Variants in BRDT observed in about 807,000 individuals in gnomAD.
BRDT encodes bromodomain testis associated.
In BRDT, 77 loss-of-function variants were observed where a neutral mutation model predicts 113.9. The ratio of observed to expected loss-of-function variants is 0.68; its 90% CI spans 0.56 to 0.82. BRDT has a LOEUF of 0.82. Ranked by LOEUF, BRDT falls within the 40% of genes least tolerant of loss-of-function variation. The pLI, the probability that BRDT is intolerant of heterozygous loss-of-function variation, is 0.00. For missense variants in BRDT, 1,027 were observed against 1,105.4 expected (o/e 0.93, Z 1.01); for synonymous variants, 358 against 366.5 (o/e 0.98, Z 0.26).
Position 92,014,307 on chromosome 1 carries a change from A to C in BRDT, c.*33A>C, listed in dbSNP as rs1257663659. On this transcript the variant is annotated 3_prime_UTR_variant, in exon 19 of 19. Coordinates refer to ENST00000399546, the MANE Select transcript of BRDT (RefSeq NM_207189.4). ...TTTTTAAATTAACCATCAACTTAAA[A>C]TGAATGGTAAAAGATCAAAATGCAT... 1 of 1,419,274 alleles carries C rather than the reference A, an allele frequency of 7.0e-7. No homozygotes were observed. The highest frequency in any genetic ancestry group is 2.1e-5 in the Admixed American group (1 of 47,952). 87.9% of individuals were successfully genotyped at this position (1,419,274 alleles called of 1,614,324 possible). A position where few individuals can be genotyped will look rare whatever the true frequency, so the allele number is the denominator to read the frequency against.
At chr1:91,978,027 T>G in intron 6 of BRDT, 141 bp from the exon 7 acceptor site, 1 of 872,142 alleles carries the variant, frequency 1.1e-6, no homozygotes, top group East Asian at 2.8e-5. Context: ...GTAGCAAAAT[T>G]TTAACATTTG....
intron 12 of BRDT, among the ~76,000 whole-genome samples, chr1:91,987,819 A>G (rs1316049539): frequency 6.6e-6 from 1 of 151,822 alleles, no homozygotes; most frequent in Non-Finnish European, 1.5e-5. Flanking sequence ...AATCTCTATG[A>G]TTGCAGATCT....
chr1:91,989,064 C>T (rs190494429), intron 12 of BRDT, among the ~76,000 whole-genome samples: 421 of 152,212 alleles, frequency 2.8e-3, no homozygotes, highest in Admixed American at 6.9e-3. Flanking sequence ...TCCCAAAGTG[C>T]TGGGATTACA....
chr1:91,955,648 G>T (rs1055804320), intron 1 of BRDT, among the ~76,000 whole-genome samples: 1 of 151,186 alleles, frequency 6.6e-6, no homozygotes, highest in African/African-American at 2.4e-5. Flanking sequence ...ATTTTTAAAC[G>T]TTTAAAAGAA....
At chr1:91,981,577 T>G (rs1163701255) in intron 11 of BRDT, 41 bp from the exon 12 acceptor site, 1 of 1,605,750 alleles carries the variant, frequency 6.2e-7, no homozygotes, top group South Asian at 1.1e-5. Flanking sequence ...CTGCAACTAT[T>G]TAATTCTTCT....
intron 1 of BRDT, among the ~76,000 whole-genome samples, chr1:91,954,803 A>C (rs1681556876): frequency 6.7e-6 from 1 of 149,616 alleles, no homozygotes; most frequent in Non-Finnish European, 1.5e-5. Context: ...CTACTAAAAA[A>C]ATTAAAAAAA....
At position 91,992,321 on chromosome 1, in the gene BRDT, CT is replaced by C; in HGVS notation, c.2115+9del. 2 of 1,447,658 alleles carry C rather than the reference CT, an allele frequency of 1.4e-6. No homozygotes were observed. The highest frequency in any genetic ancestry group is 1.8e-6 in the Non-Finnish European group (2 of 1,088,376). 89.7% of individuals were successfully genotyped at this position (1,447,658 alleles called of 1,614,324 possible). ...AAGAACAGGCGTCACACAGGTAATG[CT>C]TAAAATGTGTTTTAAAGAACAGGGG... On this transcript the variant is annotated splice_region_variant and intron_variant, in intron 14 of 18. Coordinates refer to ENST00000399546, the MANE Select transcript of BRDT (RefSeq NM_207189.4).
At chr1:92,008,419 CA>C (rs1687521018) in intron 18 of BRDT, among the ~76,000 whole-genome samples, 1 of 151,934 alleles carries the variant, frequency 6.6e-6, no homozygotes. Flanking sequence ...GTAGCAAAAC[CA>C]AGCTGAAAAT....
chr1:91,960,169 C>T (rs927718457), intron 1 of BRDT, among the ~76,000 whole-genome samples: 2 of 152,198 alleles, frequency 1.3e-5, no homozygotes, highest in African/African-American at 4.8e-5. Flanking sequence ...ATATAATTGC[C>T]ATATGATCTA....
intron 1 of BRDT, among the ~76,000 whole-genome samples, chr1:91,960,573 T>C (rs972531429): frequency 1.3e-5 from 2 of 152,186 alleles, no homozygotes; most frequent in African/African-American, 2.4e-5. Flanking sequence ...TTAATGCACA[T>C]AGAGTTTCTG....
chr1:91,987,402 C>T lies in BRDT; in HGVS notation c.2003-3782C>T, dbSNP rs148646129. The stretch of plus-strand genomic sequence containing the variant: ...AGGCTGGAGTGCAGTGGTGCGATCT[C>T]GGCTCACTGCAACCTACGCTTCCTG... On this transcript the variant is annotated intron_variant, in intron 12 of 18. Coordinates refer to ENST00000399546, the MANE Select transcript of BRDT (RefSeq NM_207189.4). 2.4e-3 allele frequency among the ~76,000 whole-genome samples: 365 copies of T among 152,130 alleles called. 1 individual carries two copies. Among genetic ancestry groups the T allele is most frequent in the African/African-American group, 8.5e-3 (352 of 41,506 alleles).
intron 1 of BRDT, among the ~76,000 whole-genome samples, chr1:91,953,941 G>GTAA (rs370040702): frequency 0.011 from 1,668 of 152,128 alleles, 40 homozygotes; most frequent in African/African-American, 0.038. Context: ...TTTTTACTTA[G>GTAA]CATTTTCTTC....
intron 1 of BRDT, among the ~76,000 whole-genome samples, chr1:91,956,375 CTTA>C (rs1452604672): frequency 9.5e-5 from 14 of 148,008 alleles, no homozygotes; most frequent in African/African-American, 3.3e-4. Context: ...AGTCATTTTT[CTTA>C]TTTTCTGTAA....
chr1:91,962,676 A>G, intron 1 of BRDT, 42 bp from the exon 2 acceptor site: 2 of 1,227,146 alleles, frequency 1.6e-6, no homozygotes, highest in African/African-American at 1.6e-5. Context: ...TGTGGAAACC[A>G]TTCCTAAAGT....
At chr1:92,006,061 G>C (rs1438104159) in intron 18 of BRDT, among the ~76,000 whole-genome samples, 3 of 152,174 alleles carry the variant, frequency 2.0e-5, no homozygotes, top group African/African-American at 7.2e-5. Context: ...ATTTCTGTTA[G>C]TGATTTCTAA....
At chr1:91,984,465 C>T (rs1685014545) in intron 12 of BRDT, among the ~76,000 whole-genome samples, 1 of 152,082 alleles carries the variant, frequency 6.6e-6, no homozygotes, top group Admixed American at 6.6e-5. Context: ...TCTCAAGGAA[C>T]AGATGGCAAA....
Position 91,981,190 on chromosome 1 carries a change from T to C in BRDT, c.1750+12T>C. ...ATTAAAACCTCCTGGTATGTATTTCTGCATATTAATAGAAATCGGTTTGGT... is the reference window on the plus strand; with the variant it reads ...ATTAAAACCTCCTGGTATGTATTTCCGCATATTAATAGAAATCGGTTTGGT... On this transcript the variant is annotated intron_variant, in intron 10 of 18. Transcript: ENST00000399546. 1 of 1,607,540 alleles carries C rather than the reference T, an allele frequency of 6.2e-7. No individual in the cohort carries two copies. Among genetic ancestry groups the C allele is most frequent in the Non-Finnish European group, 8.5e-7 (1 of 1,177,792 alleles).
At chr1:91,990,857 G>A (rs1054300467) in intron 12 of BRDT, among the ~76,000 whole-genome samples, 2 of 152,072 alleles carry the variant, frequency 1.3e-5, no homozygotes, top group African/African-American at 2.4e-5. Context: ...GAGTGCAGTG[G>A]CGTGATCTTG....
In BRDT at chr1:91,962,909, T is replaced by C. The variant is rs1384137362; in HGVS notation, c.155T>C (p.Phe52Ser). The C allele has an allele frequency of 6.2e-7, 1 of 1,610,650 alleles. No homozygotes were observed. ...DLWKHSFSWPFQRPVDAVKLQ... is the reference protein window; with the variant it reads ...DLWKHSFSWPSQRPVDAVKLQ... ...TGGAAGCATAGTTTTTCATGGCCCT[T>C]TCAACGTCCTGTGGATGCTGTGAAA... is the stretch of plus-strand genomic sequence containing the variant. The change falls in exon 2 of 19, where the codon TTT becomes TCT. Residue 52 changes from phenylalanine (F) to serine (S), a missense_variant. Phe to Ser is a radical substitution (Grantham distance 155). Transcript: ENST00000399546.
Sources: gnomAD v4.1 joint callset for allele counts (sites outside exome capture counted in the v4.1 genomes callset) on GRCh38, gnomAD v4.1.1 for gene constraint, MANE v1.5 for transcripts, NCBI Gene and HGNC (gene_info 2026-07-23, HGNC 2026-07-21) for gene names.